Variants in TMEM163 observed in about 807,000 individuals in gnomAD.
TMEM163 encodes the protein transmembrane protein 163.
TMEM163 carries 17 observed loss-of-function variants against 29.3 expected under a neutral mutation model. That is an observed-to-expected ratio of 0.58 (90% CI 0.40 to 0.87). TMEM163 has a LOEUF of 0.87. Ranked by LOEUF, TMEM163 falls within the 40% of genes least tolerant of loss-of-function variation. TMEM163 has a pLI of 0.00. For synonymous variants in TMEM163, 157 were observed against 160.6 expected (o/e 0.98, Z 0.17); for missense variants, 303 against 381.5 (o/e 0.79, Z 1.71).
chr2:134,618,277 CA>C (rs1682655602), intron 2 of TMEM163, among the ~76,000 whole-genome samples: 2 of 152,062 alleles, frequency 1.3e-5, no homozygotes, highest in East Asian at 3.9e-4. Flanking sequence ...TAATATCAGA[CA>C]AAATAGACTT....
At chr2:134,663,971 T>C (rs1308641766) in intron 2 of TMEM163, among the ~76,000 whole-genome samples, 1 of 152,250 alleles carries the variant, frequency 6.6e-6, no homozygotes, top group Non-Finnish European at 1.5e-5. Flanking sequence ...AGTAGCCCTA[T>C]AGGCACAGGC....
intron 2 of TMEM163, among the ~76,000 whole-genome samples, chr2:134,636,731 C>A (rs1210924203): frequency 2.0e-5 from 3 of 152,228 alleles, no homozygotes; most frequent in African/African-American, 7.2e-5. Context: ...CTACAAGATT[C>A]TGACCCTTCC....
At chr2:134,643,504 G>T (rs924637407) in intron 2 of TMEM163, among the ~76,000 whole-genome samples, 1 of 151,918 alleles carries the variant, frequency 6.6e-6, no homozygotes, top group African/African-American at 2.4e-5. Context: ...ACATTATCCT[G>T]ATACCAAAAC....
chr2:134,458,303 G>A, intron 6 of TMEM163, 130 bp from the exon 7 acceptor site: 1 of 1,093,718 alleles, frequency 9.1e-7, no homozygotes, highest in Non-Finnish European at 1.3e-6. Flanking sequence ...TCTCACGAGT[G>A]ATAGCCACCA....
At chr2:134,701,916 CAAAAAAAAAA>C (rs71301801) in intron 2 of TMEM163, among the ~76,000 whole-genome samples, 1 of 66,558 alleles carries the variant, frequency 1.5e-5, no homozygotes, top group Non-Finnish European at 3.4e-5. Context: ...AAAACTGTCT[CAAAAAAAAAA>C]AAAAAAAAAA....
At chr2:134,691,022 C>T (rs956762341) in intron 2 of TMEM163, among the ~76,000 whole-genome samples, 66 of 152,126 alleles carry the variant, frequency 4.3e-4, no homozygotes, top group African/African-American at 1.5e-3. Flanking sequence ...ACACTCCAGG[C>T]GCTCACAGTG....
chr2:134,693,058 C>CT (rs1352400064), intron 2 of TMEM163, among the ~76,000 whole-genome samples: 4 of 152,134 alleles, frequency 2.6e-5, no homozygotes, highest in African/African-American at 9.7e-5. Context: ...CATCTTCACA[C>CT]TGAAGACATC....
At chr2:134,494,534 G>C (rs988994871) in intron 5 of TMEM163, among the ~76,000 whole-genome samples, 3 of 152,078 alleles carry the variant, frequency 2.0e-5, no homozygotes, top group Non-Finnish European at 2.9e-5. Flanking sequence ...GTCCCTGAAG[G>C]CATTTCATGG....
At chr2:134,634,610 G>C (rs1251968461) in intron 2 of TMEM163, among the ~76,000 whole-genome samples, 1 of 152,188 alleles carries the variant, frequency 6.6e-6, no homozygotes, top group East Asian at 1.9e-4. Flanking sequence ...GGAGAAAATA[G>C]GATTAAGGTG....
At chr2:134,617,422 C>A (rs545389224) in intron 2 of TMEM163, among the ~76,000 whole-genome samples, 3 of 151,942 alleles carry the variant, frequency 2.0e-5, no homozygotes, top group Non-Finnish European at 2.9e-5. Context: ...ACCAGCCTGG[C>A]CAACATGTAC....
At chr2:134,545,151 G>A (rs1160703327) in intron 4 of TMEM163, among the ~76,000 whole-genome samples, 2 of 152,152 alleles carry the variant, frequency 1.3e-5, no homozygotes, top group African/African-American at 2.4e-5. Context: ...AGGTCACGAC[G>A]TTAAGTAAAC....
chr2:134,631,315 T>C (rs1451615238), intron 2 of TMEM163, among the ~76,000 whole-genome samples: 1 of 152,232 alleles, frequency 6.6e-6, no homozygotes, highest in Non-Finnish European at 1.5e-5. Flanking sequence ...TTAGGGTTCC[T>C]CAATCTCACA....
chr2:134,669,629 C>A lies in TMEM163; in HGVS notation c.322+43571G>T, dbSNP rs116587899. Among the ~76,000 whole-genome samples, 434 of 152,330 alleles carry A rather than the reference C, an allele frequency of 2.8e-3. 3 individuals are homozygous for A. The highest frequency in any genetic ancestry group is 9.8e-3 in the African/African-American group (407 of 41,578). On this transcript the variant is annotated intron_variant, in intron 2 of 7. Transcript: ENST00000281924. ...GTCACTGACAGTGGGTCTGGTTTCC[C>A]TTCCCTTGAACCTGGGCAGACCTCT...
At chr2:134,540,226 G>A (rs1011252962) in intron 4 of TMEM163, among the ~76,000 whole-genome samples, 1 of 152,248 alleles carries the variant, frequency 6.6e-6, no homozygotes, top group African/African-American at 2.4e-5. Context: ...ACGACTCCTT[G>A]ATGGCAAAGC....
At chr2:134,656,512 G>C (rs910210320) in intron 2 of TMEM163, among the ~76,000 whole-genome samples, 1 of 152,192 alleles carries the variant, frequency 6.6e-6, no homozygotes, top group African/African-American at 2.4e-5. Context: ...CGTCTTCTGC[G>C]TCGCTCACGC....
At chr2:134,490,790 A>G (rs1050189436) in intron 5 of TMEM163, among the ~76,000 whole-genome samples, 3 of 152,160 alleles carry the variant, frequency 2.0e-5, no homozygotes, top group African/African-American at 7.2e-5. Flanking sequence ...CATGACCGCT[A>G]GAGCTCACAG....
At chr2:134,708,228 C>G (rs1558999877) in intron 2 of TMEM163, among the ~76,000 whole-genome samples, 2 of 152,206 alleles carry the variant, frequency 1.3e-5, no homozygotes, top group Non-Finnish European at 2.9e-5. Flanking sequence ...TTCCATGTTA[C>G]TCAGCACACC....
chr2:134,618,105 C>A (rs1467895384), intron 2 of TMEM163, among the ~76,000 whole-genome samples: 1 of 151,960 alleles, frequency 6.6e-6, no homozygotes, highest in Non-Finnish European at 1.5e-5. Context: ...CAGAGTGAGA[C>A]CCTGACTCAG....
At chr2:134,637,676 T>A (rs905475669) in intron 2 of TMEM163, among the ~76,000 whole-genome samples, 4 of 152,156 alleles carry the variant, frequency 2.6e-5, no homozygotes, top group Non-Finnish European at 4.4e-5. Context: ...CAAACACTTA[T>A]TCCTTAAATG....
Sources: gnomAD v4.1 joint callset for allele counts (sites outside exome capture counted in the v4.1 genomes callset) on GRCh38, gnomAD v4.1.1 for gene constraint, MANE v1.5 for transcripts, NCBI Gene and HGNC (gene_info 2026-07-23, HGNC 2026-07-21) for gene names.